Variants in DMD observed in about 807,000 individuals in gnomAD.
DMD encodes the protein dystrophin, also known as mutant dystrophin.
Under a neutral mutation model 330.1 loss-of-function variants are expected in DMD, and 63 were observed. That is an observed-to-expected ratio of 0.19 (90% CI 0.16 to 0.24). The LOEUF (loss-of-function observed/expected upper bound fraction) is 0.24. DMD is among the 10% of genes least tolerant of loss of function. The pLI, the probability that DMD is intolerant of heterozygous loss-of-function variation, is 1.00. For missense variants in DMD, 3,344 were observed against 2,684.1 expected (o/e 1.25, Z -5.43); for synonymous variants, 1,223 against 959.8 (o/e 1.27, Z -5.07).
chrX:31,120,936 TC>T lies in DMD; in HGVS notation c.*982del, dbSNP rs1443197229. On this transcript the variant is annotated 3_prime_UTR_variant, in exon 79 of 79. Transcript: ENST00000357033. ...GATATAATAAGTCCTGTGTATTCAT[TC>T]ACATGTTCCCTTTAAAAAAATCCAA... 9.0e-6 allele frequency: 1 copy of T among 111,455 alleles called. No homozygotes were observed. Among genetic ancestry groups the T allele is most frequent in the African/African-American group, 3.3e-5 (1 of 30,384 alleles). 9.2% of individuals were successfully genotyped at this position (111,455 alleles called of 1,213,427 possible). A position where few individuals can be genotyped will look rare whatever the true frequency, so the allele number is the denominator to read the frequency against.
chrX:31,707,895 A>G (rs761202804), intron 52 of DMD, among the ~76,000 whole-genome samples: 11 of 111,904 alleles, frequency 9.8e-5, no homozygotes, highest in Non-Finnish European at 2.1e-4. Context: ...CAATGATTGA[A>G]AAAAAAGACT....
intron 2 of DMD, among the ~76,000 whole-genome samples, chrX:32,883,823 C>CAAAAAAAAA (rs56150142): frequency 7.3e-4 from 22 of 30,338 alleles, no homozygotes; most frequent in Middle Eastern, 0.02. Flanking sequence ...GACTCTGTTT[C>CAAAAAAAAA]AAAAAAAAAA....
chrX:33,105,627 T>C (rs771073039), intron 1 of DMD, among the ~76,000 whole-genome samples: 1 of 112,040 alleles, frequency 8.9e-6, no homozygotes, highest in African/African-American at 3.2e-5. Context: ...AGAATATACA[T>C]TTCTCAAAAG....
chrX:31,459,268 G>T (rs1015666874), intron 59 of DMD, among the ~76,000 whole-genome samples: 2 of 111,461 alleles, frequency 1.8e-5, no homozygotes, highest in African/African-American at 3.3e-5. Flanking sequence ...TAGGCTTTAG[G>T]TTCACAACAA....
intron 55 of DMD, among the ~76,000 whole-genome samples, chrX:31,599,791 G>T (rs2077262661): frequency 8.9e-6 from 1 of 111,982 alleles, no homozygotes; most frequent in Admixed American, 9.5e-5. Flanking sequence ...CACACTGAAA[G>T]TACTATGTGT....
intron 30 of DMD, among the ~76,000 whole-genome samples, chrX:32,407,891 C>T (rs2147884844): frequency 1.0e-5 from 1 of 100,027 alleles, no homozygotes; most frequent in South Asian, 4.9e-4. Context: ...CCAAACACCG[C>T]ATGTTCTCAC....
rs745465665 is a variant in DMD at position 32,365,055 on chromosome X, T to C, written c.4990A>G (p.Thr1664Ala). The C allele has an allele frequency of 4.1e-6, 5 of 1,210,825 alleles. No homozygotes were observed. Among genetic ancestry groups the C allele is most frequent in the Non-Finnish European group, 5.6e-6 (5 of 895,194 alleles). Residue 1664 changes from threonine (T) to alanine (A), a missense_variant, in exon 35 of 79, where the codon ACC (threonine) becomes GCC (alanine). Physicochemically the swap from Thr to Ala is moderately conservative, Grantham distance 58. Transcript: ENST00000357033. ...TTTAACCACTCTTCTGCTCGGGAGG[T>C]GACAGCTATCCAGTTACTATTCAGA... ...SLLNSNWIAV[T>A]SRAEEWLNLL...
intron 55 of DMD, among the ~76,000 whole-genome samples, chrX:31,575,021 A>G (rs1430286813): frequency 8.9e-6 from 1 of 111,776 alleles, no homozygotes; most frequent in African/African-American, 3.2e-5. Context: ...TCAAATTTAC[A>G]CTATCAGAAT....
intron 1 of DMD, among the ~76,000 whole-genome samples, chrX:33,178,819 T>G (rs1178020051): frequency 8.9e-6 from 1 of 112,036 alleles, no homozygotes; most frequent in African/African-American, 3.2e-5. Context: ...CAAATCTCTC[T>G]TCTGAGTTGC....
chrX:31,722,194 G>C (rs1252344835), intron 52 of DMD, among the ~76,000 whole-genome samples: 3 of 109,982 alleles, frequency 2.7e-5, no homozygotes, highest in African/African-American at 6.6e-5. Context: ...TCTCGGCTCA[G>C]TGCAACCTCC....
intron 43 of DMD, among the ~76,000 whole-genome samples, chrX:32,276,780 C>T (rs912840611): frequency 1.8e-5 from 2 of 110,192 alleles, no homozygotes; most frequent in Non-Finnish European, 3.8e-5. Flanking sequence ...ATTAGCCACG[C>T]GTGATTGTGG....
At chrX:31,212,679 A>G (rs952647369) in intron 64 of DMD, among the ~76,000 whole-genome samples, 9 of 111,467 alleles carry the variant, frequency 8.1e-5, no homozygotes, top group South Asian at 3.8e-4. Flanking sequence ...GTTGCTTTAA[A>G]ATCATTTTGC....
chrX:32,127,615 C>T (rs914918246), intron 44 of DMD, among the ~76,000 whole-genome samples: 8 of 111,532 alleles, frequency 7.2e-5, no homozygotes, highest in Non-Finnish European at 1.1e-4. Flanking sequence ...CCTAATTTCA[C>T]GAGGTATTGA....
intron 61 of DMD, among the ~76,000 whole-genome samples, chrX:31,344,249 T>C (rs1203126974): frequency 8.9e-6 from 1 of 111,897 alleles, no homozygotes; most frequent in East Asian, 2.8e-4. Flanking sequence ...TAAACATTCT[T>C]TAACATGACA....
At chrX:32,058,340 A>G (rs1034815096) in intron 44 of DMD, among the ~76,000 whole-genome samples, 5 of 110,666 alleles carry the variant, frequency 4.5e-5, no homozygotes, top group African/African-American at 1.6e-4. Flanking sequence ...TATATCTGAT[A>G]AGGTGTCAAT....
At chrX:32,573,480 T>A (rs2052657575) in intron 15 of DMD, 50 bp downstream of exon 15, 1 of 945,926 alleles carries the variant, frequency 1.1e-6, no homozygotes, top group African/African-American at 1.9e-5. Context: ...ATAGTGATAA[T>A]ATACAGTACT....
At position 31,177,966 on chromosome X, in the gene DMD, C is replaced by T. The variant is rs751030250; in HGVS notation, c.10228G>A (p.Val3410Ile). ...VLEGDNMETP[V>I]TLINFWPVDS... ...ACTGGCCAGAAGTTGATCAGAGTAA[C>T]GGGACTGCAAAACAAAAAATGAGGT... The change falls in exon 71 of 79, where the codon GTT (valine) becomes ATT (isoleucine). Residue 3410 changes from valine to isoleucine, a missense_variant. Transcript: ENST00000357033. 117 of 1,204,791 alleles carry T rather than the reference C, an allele frequency of 9.7e-5. No homozygotes were observed. Among genetic ancestry groups the T allele is most frequent in the Middle Eastern group, 2.3e-4 (1 of 4,371 alleles).
intron 21 of DMD, among the ~76,000 whole-genome samples, chrX:32,476,948 A>AT (rs2148516772): frequency 9.0e-6 from 1 of 111,548 alleles, no homozygotes; most frequent in Admixed American, 9.6e-5. Flanking sequence ...CAATAAACAT[A>AT]TCCAATCTAA....
intron 43 of DMD, among the ~76,000 whole-genome samples, chrX:32,256,423 G>A (rs1205711996): frequency 2.7e-5 from 3 of 109,221 alleles, no homozygotes; most frequent in African/African-American, 1.0e-4. Context: ...TGTGAGATGG[G>A]TCTCCTGAAT....
Sources: gnomAD v4.1 joint callset for allele counts (sites outside exome capture counted in the v4.1 genomes callset) on GRCh38, gnomAD v4.1.1 for gene constraint, MANE v1.5 for transcripts, NCBI Gene and HGNC (gene_info 2026-07-23, HGNC 2026-07-21) for gene names.